Variants in REXO5 observed in about 807,000 individuals in gnomAD.
The protein encoded by REXO5 is RNA exonuclease 5, also known as exonuclease NEF-sp.
In REXO5, 48 loss-of-function variants were observed where a neutral mutation model predicts 88.5. The ratio of observed to expected loss-of-function variants is 0.54; its 90% CI spans 0.43 to 0.69. The LOEUF is 0.69. Ranked by LOEUF, REXO5 falls within the 30% of genes least tolerant of loss-of-function variation. The pLI is 0.00. For synonymous variants in REXO5, 311 were observed against 336.5 expected (o/e 0.92, Z 0.83); for missense variants, 749 against 912.2 (o/e 0.82, Z 2.30).
At chr16:20,814,719 TACA>T (rs1202813547) in intron 3 of REXO5, among the ~76,000 whole-genome samples, 2 of 152,224 alleles carry the variant, frequency 1.3e-5, no homozygotes, top group Non-Finnish European at 2.9e-5. Flanking sequence ...TGGATTTGAA[TACA>T]ACAAGTATTT....
At chr16:20,820,247 G>A (rs1222799429) in intron 5 of REXO5, among the ~76,000 whole-genome samples, 2 of 151,778 alleles carry the variant, frequency 1.3e-5, no homozygotes, top group Middle Eastern at 3.4e-3. Flanking sequence ...TTCATTACTG[G>A]TCTACTGACA....
intron 5 of REXO5, among the ~76,000 whole-genome samples, chr16:20,820,074 C>A (rs2081145698): frequency 6.6e-6 from 1 of 152,136 alleles, no homozygotes; most frequent in Non-Finnish European, 1.5e-5. Context: ...TTTTACAAAT[C>A]TTTGAGGTTG....
chr16:20,820,322 TA>T (rs1317765684), intron 5 of REXO5, among the ~76,000 whole-genome samples: 1 of 151,738 alleles, frequency 6.6e-6, no homozygotes, highest in Non-Finnish European at 1.5e-5. Context: ...ATACTTTGGC[TA>T]TTTTCTTTAC....
chr16:20,832,093 T>C, intron 11 of REXO5, 63 bp from the exon 12 acceptor site: 2 of 1,102,604 alleles, frequency 1.8e-6, no homozygotes, highest in Non-Finnish European at 2.7e-6. Context: ...TTTTGTTTTG[T>C]ATTTATTTGA....
At position 20,849,483 on chromosome 16, in the gene REXO5, C is replaced by A. The variant is rs762728443; in HGVS notation, c.*3C>A. 5.9e-5 allele frequency: 96 copies of A among 1,613,558 alleles called. No homozygotes were observed. Among genetic ancestry groups the A allele is most frequent in the Non-Finnish European group, 7.6e-5 (90 of 1,179,658 alleles). On this transcript the variant is annotated 3_prime_UTR_variant, in exon 20 of 20. Coordinates refer to ENST00000261377, the MANE Select transcript of REXO5 (RefSeq NM_030941.3). ...CTGGCCCAGGCCTGTGTTCGTGAGT[C>A]GGCCTGCCATGTTTCCATGTGCCAT...
chr16:20,835,545 T>A (rs1401603512), intron 13 of REXO5, among the ~76,000 whole-genome samples: 2 of 152,122 alleles, frequency 1.3e-5, no homozygotes, highest in Admixed American at 6.6e-5. Flanking sequence ...CAACTGAATA[T>A]TTGAGGGGGA....
At chr16:20,820,992 C>G (rs2081175802) in intron 5 of REXO5, 1 of 152,144 alleles carries the variant, frequency 6.6e-6, no homozygotes, top group Non-Finnish European at 1.5e-5. Flanking sequence ...TATAGATGAT[C>G]TCTCTTGAGC....
At chr16:20,825,254 C>T (rs1402214247) in intron 7 of REXO5, among the ~76,000 whole-genome samples, 1 of 152,154 alleles carries the variant, frequency 6.6e-6, no homozygotes, top group East Asian at 1.9e-4. Context: ...AGTGCATCCC[C>T]TCTCAGTACT....
chr16:20,839,749 C>T lies in REXO5; in HGVS notation c.1384-6C>T. 1 of 1,609,366 alleles carries T rather than the reference C, an allele frequency of 6.2e-7. No homozygotes were observed. Among genetic ancestry groups the T allele is most frequent in the Non-Finnish European group, 8.5e-7 (1 of 1,176,096 alleles). ...TACCTTATCCAGGCTGTGCTGTTCT[C>T]TACAGGTTCTTGAGCAGGCCAGAGT... is the stretch of plus-strand genomic sequence containing the variant. On this transcript the variant is annotated splice_region_variant and splice_polypyrimidine_tract_variant and intron_variant, in intron 13 of 19. Coordinates refer to ENST00000261377, the MANE Select transcript of REXO5 (RefSeq NM_030941.3).
At chr16:20,806,480 T>G (rs1021025830), upstream of REXO5, 1 of 1,549,352 alleles carries the variant, frequency 6.5e-7, no homozygotes, top group African/African-American at 1.4e-5. Flanking sequence ...GTCGCTCGAC[T>G]TCTACTTCCG....
intron 5 of REXO5, 28 bp from the exon 6 acceptor site, chr16:20,821,734 A>C (rs200490218): frequency 6.5e-7 from 1 of 1,548,082 alleles, no homozygotes; most frequent in East Asian, 2.3e-5. Flanking sequence ...CACACATTCT[A>C]ATATACGTTC....
At chr16:20,844,345 G>A (rs368134709) in intron 16 of REXO5, among the ~76,000 whole-genome samples, 50 of 152,258 alleles carry the variant, frequency 3.3e-4, no homozygotes, top group African/African-American at 1.1e-3. Flanking sequence ...TCAAATGGTG[G>A]TATTTTGAAG....
intron 19 of REXO5, 130 bp downstream of exon 19, chr16:20,846,469 C>A: frequency 1.6e-6 from 1 of 635,564 alleles, no homozygotes; most frequent in Non-Finnish European, 2.8e-6. Context: ...TAATTTTCAC[C>A]GTTCTAAAAG....
intron 2 of REXO5, among the ~76,000 whole-genome samples, chr16:20,812,669 A>G (rs975055867): frequency 7.9e-5 from 12 of 152,266 alleles, no homozygotes; most frequent in Non-Finnish European, 1.5e-4. Flanking sequence ...CCCTCTCCTC[A>G]TACCTCCACT....
chr16:20,828,333 C>A, intron 10 of REXO5, 102 bp from the exon 11 acceptor site: 1 of 720,088 alleles, frequency 1.4e-6, no homozygotes, highest in Admixed American at 2.4e-5. Flanking sequence ...ATCTAATTAT[C>A]AGAATTCTAA....
At chr16:20,822,982 G>A (rs1027380762) in intron 6 of REXO5, among the ~76,000 whole-genome samples, 3 of 152,158 alleles carry the variant, frequency 2.0e-5, no homozygotes, top group African/African-American at 4.8e-5. Flanking sequence ...GAAAGCTGCC[G>A]TACCATTTTA....
Position 20,827,051 on chromosome 16 carries a change from A to G in REXO5, c.822-7A>G. Reference sequence around the variant, plus strand: ...TAGCCTGTCCATTTCTCTTTTTTTAATGAAAGCTTTTCGGGAATCACGAAG... The same window carrying G: ...TAGCCTGTCCATTTCTCTTTTTTTAGTGAAAGCTTTTCGGGAATCACGAAG... On this transcript the variant is annotated splice_polypyrimidine_tract_variant and splice_region_variant and intron_variant, in intron 8 of 19. Transcript: ENST00000261377. 3 of 1,613,570 alleles carry G rather than the reference A, an allele frequency of 1.9e-6. No homozygotes were observed. The highest frequency in any genetic ancestry group is 2.2e-5 in the East Asian group (1 of 44,864).
At position 20,813,304 on chromosome 16, in the gene REXO5, T is replaced by C; in HGVS notation, c.251+2T>C. 1 of 1,588,634 alleles carries C rather than the reference T, an allele frequency of 6.3e-7. No homozygotes were observed. The highest frequency in any genetic ancestry group is 8.6e-7 in the Non-Finnish European group (1 of 1,157,312). On this transcript the variant is annotated splice_donor_variant, in intron 3 of 19. Transcript: ENST00000261377. LOFTEE classifies it high-confidence loss of function. ...CAAATCCAATGTTCCAAAACCCAGGTATGAGATGAATTTAAATGGTGGGTA... is the reference window on the plus strand; with the variant it reads ...CAAATCCAATGTTCCAAAACCCAGGCATGAGATGAATTTAAATGGTGGGTA...
chr16:20,849,073 G>A (rs554194469), intron 19 of REXO5, among the ~76,000 whole-genome samples: 12 of 152,206 alleles, frequency 7.9e-5, no homozygotes, highest in Non-Finnish European at 1.3e-4. Flanking sequence ...ACAACTCTTG[G>A]CATGTAGTAA....
Sources: gnomAD v4.1 joint callset for allele counts (sites outside exome capture counted in the v4.1 genomes callset) on GRCh38, gnomAD v4.1.1 for gene constraint, MANE v1.5 for transcripts, NCBI Gene and HGNC (gene_info 2026-07-23, HGNC 2026-07-21) for gene names.